Variants in CNTN4 observed in about 807,000 individuals in gnomAD.
CNTN4 encodes contactin 4, also known as contactin-4.
Under a neutral mutation model 122.5 loss-of-function variants are expected in CNTN4, and 77 were observed. The ratio of observed to expected loss-of-function variants is 0.63; its 90% CI spans 0.52 to 0.76. The LOEUF is 0.76. Ranked by LOEUF, CNTN4 falls within the 30% of genes least tolerant of loss-of-function variation. The pLI is 0.00. For synonymous variants in CNTN4, 512 were observed against 447.0 expected (o/e 1.15, Z -1.83); for missense variants, 1,256 against 1,259.1 (o/e 1.00, Z 0.04).
At chr3:2,910,072 C>T (rs760224105) in intron 12 of CNTN4, among the ~76,000 whole-genome samples, 4 of 152,152 alleles carry the variant, frequency 2.6e-5, no homozygotes, top group Non-Finnish European at 5.9e-5. Flanking sequence ...GGCTGAAGGC[C>T]CCATTTCAAC....
chr3:2,920,670 T>G (rs186061305), intron 12 of CNTN4, among the ~76,000 whole-genome samples: 41 of 152,222 alleles, frequency 2.7e-4, no homozygotes, highest in Middle Eastern at 3.4e-3. Context: ...GGTAGTGCAG[T>G]AGTGGAAATA....
At chr3:2,729,808 G>C (rs1255356840) in intron 4 of CNTN4, among the ~76,000 whole-genome samples, 2 of 152,008 alleles carry the variant, frequency 1.3e-5, no homozygotes, top group Non-Finnish European at 2.9e-5. Context: ...CAGCTACTAA[G>C]AAGGCTGAGG....
chr3:2,458,634 T>TC (rs72212821), intron 3 of CNTN4, among the ~76,000 whole-genome samples: 1 of 151,732 alleles, frequency 6.6e-6, no homozygotes, highest in Non-Finnish European at 1.5e-5. Flanking sequence ...GATTTTTTTT[T>TC]CCCCACGAAG....
rs548907951 is a variant in CNTN4 at position 2,366,579 on chromosome 3, T to A, written c.-89+27346T>A. ...TGTCTCCACTAAAAATACAAAAAAT[T>A]AGCCAGGCATGGTGGCGGGCGCCTG... On this transcript the variant is annotated intron_variant, in intron 3 of 24. Transcript: ENST00000418658. Among the ~76,000 whole-genome samples the A allele has an allele frequency of 2.0e-4, 31 of 151,896 alleles. 2 individuals carry two copies. The South Asian group carries it at 6.5e-3, about 32-fold the overall frequency.
chr3:2,374,302 C>T (rs1355416234), intron 3 of CNTN4, among the ~76,000 whole-genome samples: 1 of 152,190 alleles, frequency 6.6e-6, no homozygotes, highest in East Asian at 1.9e-4. Context: ...AGGAAGGTTA[C>T]CCAGCTCCCT....
intron 6 of CNTN4, among the ~76,000 whole-genome samples, chr3:2,779,969 T>A (rs563285931): frequency 3.5e-4 from 53 of 152,380 alleles, no homozygotes; most frequent in African/African-American, 1.2e-3. Context: ...AATTTATTCA[T>A]TTATTTGAAG....
At chr3:2,272,513 T>G (rs1438428886) in intron 2 of CNTN4, among the ~76,000 whole-genome samples, 1 of 152,200 alleles carries the variant, frequency 6.6e-6, no homozygotes, top group African/African-American at 2.4e-5. Flanking sequence ...TTACAATTTG[T>G]ACATTAAAGT....
intron 4 of CNTN4, among the ~76,000 whole-genome samples, chr3:2,703,792 G>GA (rs1044951126): frequency 6.6e-6 from 1 of 151,768 alleles, no homozygotes; most frequent in Non-Finnish European, 1.5e-5. Context: ...TTCTTAGGGG[G>GA]AAAAAACATA....
intron 13 of CNTN4, among the ~76,000 whole-genome samples, chr3:2,932,864 C>T (rs975245189): frequency 6.6e-5 from 10 of 151,574 alleles, no homozygotes; most frequent in African/African-American, 2.2e-4. Flanking sequence ...GCTCTGTCGC[C>T]CAGGCTGGAG....
intron 13 of CNTN4, among the ~76,000 whole-genome samples, chr3:2,929,970 C>CT (rs759955640): frequency 3.3e-5 from 5 of 152,204 alleles, no homozygotes; most frequent in Non-Finnish European, 7.3e-5. Flanking sequence ...CCCACAATGG[C>CT]TGGGCCCACA....
At chr3:2,747,405 T>A (rs1576646167) in intron 6 of CNTN4, among the ~76,000 whole-genome samples, 1 of 33,508 alleles carries the variant, frequency 3.0e-5, no homozygotes, top group East Asian at 8.2e-4. Context: ...CGAGACTCCG[T>A]CTAAAAAAAA....
chr3:2,933,549 C>A (rs1251599349), intron 13 of CNTN4, among the ~76,000 whole-genome samples: 1 of 152,144 alleles, frequency 6.6e-6, no homozygotes, highest in Admixed American at 6.5e-5. Flanking sequence ...TTAACTTTTT[C>A]TTTGGCATAG....
At chr3:2,558,116 A>T (rs993989376) in intron 3 of CNTN4, among the ~76,000 whole-genome samples, 7 of 152,188 alleles carry the variant, frequency 4.6e-5, no homozygotes, top group Non-Finnish European at 8.8e-5. Context: ...CATTGGCTTT[A>T]TTTTAAAATA....
chr3:2,899,671 A>C (rs2094151722), intron 10 of CNTN4, among the ~76,000 whole-genome samples: 1 of 152,192 alleles, frequency 6.6e-6, no homozygotes, highest in Non-Finnish European at 1.5e-5. Flanking sequence ...AAAATGTATT[A>C]TCATTTGGGC....
intron 4 of CNTN4, among the ~76,000 whole-genome samples, chr3:2,714,038 G>A (rs777364456): frequency 1.3e-5 from 2 of 152,044 alleles, no homozygotes; most frequent in Admixed American, 1.3e-4. Flanking sequence ...CTACCATTGT[G>A]GATTTTATCC....
At chr3:2,355,010 G>T (rs2044808242) in intron 3 of CNTN4, among the ~76,000 whole-genome samples, 1 of 152,306 alleles carries the variant, frequency 6.6e-6, no homozygotes, top group East Asian at 1.9e-4. Flanking sequence ...CAGTGGATAA[G>T]CCCTGTTGTG....
At chr3:2,162,487 G>T (rs1172958125) in intron 2 of CNTN4, among the ~76,000 whole-genome samples, 1 of 152,170 alleles carries the variant, frequency 6.6e-6, no homozygotes, top group Non-Finnish European at 1.5e-5. Context: ...AGGGAAAACT[G>T]TGTCCCACAA....
chr3:2,917,090 A>G (rs537365885), intron 12 of CNTN4, among the ~76,000 whole-genome samples: 1 of 132,968 alleles, frequency 7.5e-6, no homozygotes, highest in East Asian at 2.8e-4. Flanking sequence ...ACTCGCGGTT[A>G]GGAGCTGGAG....
chr3:2,270,998 A>G (rs895032774), intron 2 of CNTN4, among the ~76,000 whole-genome samples: 6 of 152,206 alleles, frequency 3.9e-5, no homozygotes, highest in African/African-American at 1.4e-4. Context: ...AAATCTGAAT[A>G]TTAATTAGAC....
Sources: allele counts gnomAD v4.1 joint callset (sites outside exome capture counted in the v4.1 genomes callset), GRCh38; gene constraint gnomAD v4.1.1; transcripts MANE v1.5; gene names NCBI Gene and HGNC (gene_info 2026-07-23, HGNC 2026-07-21).